Variants in TCF12 observed in about 807,000 individuals in gnomAD.
The protein encoded by TCF12 is DNA-binding protein HTF4.
Under a neutral mutation model 86.0 loss-of-function variants are expected in TCF12, and 45 were observed. That is an observed-to-expected ratio of 0.52 (90% CI 0.41 to 0.67). The LOEUF is 0.67. TCF12 is among the 30% of genes least tolerant of loss of function. The probability of loss-of-function intolerance (pLI) is 0.00; values close to 1 mark genes in which losing one functional copy is unlikely to be tolerated. For synonymous variants in TCF12, 330 were observed against 299.6 expected (o/e 1.10, Z -1.05); for missense variants, 881 against 859.9 (o/e 1.02, Z -0.31).
At chr15:57,232,192 A>C in intron 9 of TCF12, 99 bp from the exon 10 acceptor site, 2 of 1,395,108 alleles carry the variant, frequency 1.4e-6, no homozygotes, top group East Asian at 4.6e-5. Context: ...AAAGGGAGGA[A>C]AAATATCTGG....
chr15:57,232,714 TTA>T lies in TCF12; in HGVS notation c.830_831del (p.Tyr277SerfsTer60). The T allele has an allele frequency of 6.2e-7, 1 of 1,610,970 alleles. No individual in the cohort carries two copies. The highest frequency in any genetic ancestry group is 8.5e-7 in the Non-Finnish European group (1 of 1,178,758). On this transcript the variant is annotated frameshift_variant, in exon 11 of 21. Transcript: ENST00000333725. LOFTEE classifies it high-confidence loss of function. Reference sequence around the variant, plus strand: ...AGATCATATCTCTTTCCATCTAGAGTTATCCTCCACACTCAGTTTCACCAACA... The same window carrying T: ...AGATCATATCTCTTTCCATCTAGAGTTCCTCCACACTCAGTTTCACCAACA... ...GNLHSHDRLS[Y>X]PPHSVSPTDI...
At chr15:57,198,074 T>G (rs1430487227) in intron 8 of TCF12, among the ~76,000 whole-genome samples, 1 of 152,208 alleles carries the variant, frequency 6.6e-6, no homozygotes, top group African/African-American at 2.4e-5. Flanking sequence ...ATTCCCCTCT[T>G]GGGAAGAGGA....
chr15:57,075,804 T>TTCTTTCTCTCTCTCTCTCTCTCTC (rs1461514777), intron 4 of TCF12, among the ~76,000 whole-genome samples: 17 of 28,580 alleles, frequency 5.9e-4, no homozygotes, highest in South Asian at 4.2e-3. Context: ...CTTTCTTTCT[T>TTCTTTCTCTCTCTCTCTCTCTCTC]TCTCTCTCTC....
intron 6 of TCF12, among the ~76,000 whole-genome samples, chr15:57,178,639 A>G (rs972025549): frequency 2.0e-5 from 3 of 152,210 alleles, no homozygotes; most frequent in Non-Finnish European, 4.4e-5. Context: ...CATTAAAGAA[A>G]AGGCGCAAAG....
chr15:56,925,317 AT>A (rs1357763655), intron 3 of TCF12, among the ~76,000 whole-genome samples: 1 of 149,892 alleles, frequency 6.7e-6, no homozygotes, highest in Non-Finnish European at 1.5e-5. Context: ...AGATCACAAC[AT>A]TTTAGGGGCT....
At chr15:57,134,227 A>G (rs1362740471) in intron 5 of TCF12, 1 of 152,242 alleles carries the variant, frequency 6.6e-6, no homozygotes, top group African/African-American at 2.4e-5. Flanking sequence ...ATATCAGAGC[A>G]CATCATCAAC....
intron 3 of TCF12, among the ~76,000 whole-genome samples, chr15:56,955,398 G>A (rs1160043208): frequency 1.3e-5 from 2 of 151,844 alleles, no homozygotes; most frequent in African/African-American, 2.4e-5. Context: ...CCCAGGGCCT[G>A]TCGTAGGGTG....
chr15:57,135,230 T>A (rs562191676), intron 5 of TCF12, among the ~76,000 whole-genome samples: 7 of 152,302 alleles, frequency 4.6e-5, no homozygotes, highest in Non-Finnish European at 7.4e-5. Flanking sequence ...TGGATTTACT[T>A]TACATAAAAG....
chr15:57,193,070 T>C (rs2057067615), intron 7 of TCF12, among the ~76,000 whole-genome samples: 1 of 152,222 alleles, frequency 6.6e-6, no homozygotes, highest in South Asian at 2.1e-4. Flanking sequence ...GGTGGTTTTA[T>C]ATACATTCTC....
intron 3 of TCF12, among the ~76,000 whole-genome samples, chr15:57,018,069 A>C (rs1318623174): frequency 6.6e-6 from 1 of 152,226 alleles, no homozygotes; most frequent in Non-Finnish European, 1.5e-5. Context: ...AATTTAGGAC[A>C]CTAAAGTGTC....
At chr15:56,931,086 C>A (rs2060227462) in intron 3 of TCF12, among the ~76,000 whole-genome samples, 1 of 152,064 alleles carries the variant, frequency 6.6e-6, no homozygotes, top group African/African-American at 2.4e-5. Flanking sequence ...CACCCCCCAC[C>A]CCAGGGATTG....
At chr15:57,130,994 T>TATTTAATTTATTTA (rs1258785785) in intron 5 of TCF12, among the ~76,000 whole-genome samples, 4 of 152,248 alleles carry the variant, frequency 2.6e-5, no homozygotes, top group Non-Finnish European at 5.9e-5. Context: ...TATTATTTTT[T>TATTTAATTTATTTA]ATTTAATTCT....
intron 3 of TCF12, among the ~76,000 whole-genome samples, chr15:57,055,284 C>T (rs1473553315): frequency 6.6e-6 from 1 of 152,168 alleles, no homozygotes; most frequent in Non-Finnish European, 1.5e-5. Flanking sequence ...CGCCGGTAAT[C>T]CCAGCTACTT....
At chr15:57,185,841 C>T (rs1567588180) in intron 6 of TCF12, among the ~76,000 whole-genome samples, 3 of 152,090 alleles carry the variant, frequency 2.0e-5, no homozygotes, top group African/African-American at 7.2e-5. Flanking sequence ...ATGTTTGTGC[C>T]ACTGCACTCC....
intron 3 of TCF12, among the ~76,000 whole-genome samples, chr15:57,042,435 A>G (rs549299675): frequency 6.6e-6 from 1 of 152,144 alleles, no homozygotes; most frequent in South Asian, 2.1e-4. Context: ...ATATATATAG[A>G]CAAAGTCTTA....
intron 3 of TCF12, among the ~76,000 whole-genome samples, chr15:57,041,026 G>A (rs1202305274): frequency 6.6e-6 from 1 of 152,118 alleles, no homozygotes; most frequent in African/African-American, 2.4e-5. Context: ...CTATGATGAG[G>A]CTCTCAGGTA....
At chr15:57,063,972 T>A (rs1014489866) in intron 4 of TCF12, 149 bp downstream of exon 4, 1 of 640,554 alleles carries the variant, frequency 1.6e-6, no homozygotes, top group Non-Finnish European at 2.7e-6. Context: ...TTACATTTAG[T>A]TCTTTTTATA....
At chr15:57,264,829 A>T (rs1440720621) in intron 18 of TCF12, among the ~76,000 whole-genome samples, 2 of 152,118 alleles carry the variant, frequency 1.3e-5, no homozygotes, top group Non-Finnish European at 2.9e-5. Context: ...TCCCGGGTTC[A>T]AGCAGTTCTC....
intron 3 of TCF12, among the ~76,000 whole-genome samples, chr15:57,005,637 G>A (rs1250731635): frequency 6.6e-6 from 1 of 152,148 alleles, no homozygotes; most frequent in Non-Finnish European, 1.5e-5. Flanking sequence ...GTGCAGTCAT[G>A]GCTCACTTTA....
Sources: gnomAD v4.1 joint callset for allele counts (sites outside exome capture counted in the v4.1 genomes callset) on GRCh38, gnomAD v4.1.1 for gene constraint, MANE v1.5 for transcripts, NCBI Gene and HGNC (gene_info 2026-07-23, HGNC 2026-07-21) for gene names.